Variants in KIDINS220 observed in about 807,000 individuals in gnomAD.
KIDINS220 encodes kinase D-interacting substrate of 220 kDa.
A neutral mutation model predicts 157.6 loss-of-function variants in KIDINS220; 63 were observed. That is an observed-to-expected ratio of 0.40 (90% CI 0.33 to 0.49). The LOEUF is 0.49. Among genes scored for constraint, KIDINS220 ranks in the 20% least tolerant of loss-of-function variants. The pLI is 0.66. For synonymous variants in KIDINS220, 732 were observed against 783.6 expected (o/e 0.93, Z 1.10); for missense variants, 1,772 against 2,171.2 (o/e 0.82, Z 3.65).
chr2:8,759,315 C>T (rs1668445904), intron 22 of KIDINS220, among the ~76,000 whole-genome samples: 1 of 151,908 alleles, frequency 6.6e-6, no homozygotes, highest in African/African-American at 2.4e-5. Flanking sequence ...CCCTGGAAAC[C>T]ATTGGCAGAG....
At chr2:8,743,561 C>T (rs1243205067) in intron 26 of KIDINS220, among the ~76,000 whole-genome samples, 3 of 152,232 alleles carry the variant, frequency 2.0e-5, no homozygotes, top group African/African-American at 4.8e-5. Flanking sequence ...TCACCAGGGT[C>T]TGTTTAACTC....
intron 1 of KIDINS220, among the ~76,000 whole-genome samples, chr2:8,831,768 G>A (rs573878511): frequency 4.6e-5 from 7 of 152,248 alleles, no homozygotes; most frequent in East Asian, 1.9e-4. Flanking sequence ...GAACTGACCC[G>A]GCACACACAG....
At chr2:8,777,222 C>T (rs1007822141) in intron 20 of KIDINS220, among the ~76,000 whole-genome samples, 1 of 152,202 alleles carries the variant, frequency 6.6e-6, no homozygotes, top group Non-Finnish European at 1.5e-5. Flanking sequence ...TCCATGGGGT[C>T]TGGCTATTTA....
At chr2:8,810,594 T>C (rs527237256) in intron 6 of KIDINS220, among the ~76,000 whole-genome samples, 2 of 152,184 alleles carry the variant, frequency 1.3e-5, no homozygotes, top group African/African-American at 2.4e-5. Flanking sequence ...GAGACCAGCC[T>C]GGCCAACATG....
chr2:8,725,957 G>T (rs752187926), downstream of KIDINS220, among the ~76,000 whole-genome samples: 1 of 152,184 alleles, frequency 6.6e-6, no homozygotes, highest in Non-Finnish European at 1.5e-5. Flanking sequence ...GGACTTACGT[G>T]CAATCTTGGT....
chr2:8,749,452 A>T (rs1161275521), intron 24 of KIDINS220: 1 of 455,348 alleles, frequency 2.2e-6, no homozygotes, highest in South Asian at 1.6e-5. Context: ...TGAGGTCATT[A>T]AAGTGAGAAT....
chr2:8,731,347 G>A lies in KIDINS220; in HGVS notation c.4689C>T (p.Ile1563=), dbSNP rs1262668681. Residue 1563 remains isoleucine, a synonymous_variant, in exon 30 of 30, where the codon ATC becomes ATT. Transcript: ENST00000256707. The surrounding 1 kb of genome is among the most constrained non-coding windows in gnomAD (Gnocchi z 5.2). ...PKSPEHSAEP[I]RTFIKAKEYL... is the part of the protein sequence containing the mutation. ...ACTCTTTGGCTTTAATGAAGGTTCT[G>A]ATCGGCTCAGCACTGTGTTCTGGAG... is the stretch of plus-strand genomic sequence containing the variant. 6.2e-7 allele frequency: 1 copy of A among 1,614,098 alleles called. No homozygotes were observed. The highest frequency in any genetic ancestry group is 1.3e-5 in the African/African-American group (1 of 74,946).
intron 9 of KIDINS220, 37 bp downstream of exon 9, chr2:8,800,363 T>C: frequency 7.6e-7 from 1 of 1,307,896 alleles, no homozygotes. Context: ...CATGCAATTA[T>C]ACTCTAAGAT....
chr2:8,827,980 C>CT (rs1381952876), intron 1 of KIDINS220, among the ~76,000 whole-genome samples: 1 of 152,166 alleles, frequency 6.6e-6, no homozygotes, highest in African/African-American at 2.4e-5. Flanking sequence ...ACTGACAACA[C>CT]TGAGGAAGAA....
At chr2:8,748,641 G>A (rs1666897208) in intron 24 of KIDINS220, among the ~76,000 whole-genome samples, 1 of 152,052 alleles carries the variant, frequency 6.6e-6, no homozygotes, top group South Asian at 2.1e-4. Flanking sequence ...AAATTATACA[G>A]GCTAAACATA....
downstream of KIDINS220, chr2:8,724,325 T>G (rs1663145900): frequency 6.6e-6 from 1 of 152,244 alleles, no homozygotes; most frequent in African/African-American, 2.4e-5. This position sits in a 1 kb window ranked among gnomAD's most constrained non-coding sequence, Gnocchi z 4.6. Flanking sequence ...CTCGGCTCAC[T>G]GCAACCTCCG....
chr2:8,745,248 C>T (rs1666376548), intron 26 of KIDINS220, among the ~76,000 whole-genome samples: 1 of 152,124 alleles, frequency 6.6e-6, no homozygotes, highest in Non-Finnish European at 1.5e-5. Context: ...GAATTGCATG[C>T]AATAATGTGT....
chr2:8,730,775 G>A lies in KIDINS220; in HGVS notation c.5261C>T (p.Ala1754Val). ...GCCTGTGCTCTCAGAAGAGGCTGCTGCATGGAGCTCCGGAGGATCTTTGGA... is the reference window on the plus strand; with the variant it reads ...GCCTGTGCTCTCAGAAGAGGCTGCTACATGGAGCTCCGGAGGATCTTTGGA... ...RLSKDPPELH[A>V]AASSESTGFG... The change falls in exon 30 of 30, where the codon GCA becomes GTA. Residue 1754 changes from alanine to valine, a missense_variant. Ala to Val is a moderately conservative substitution (Grantham distance 64, BLOSUM62 0). Around this residue, in one of 3 missense-constraint regions of KIDINS220, gnomAD observed 793 missense variants for 885.5 expected, o/e 0.90. Transcript: ENST00000256707. 6.2e-7 allele frequency: 1 copy of A among 1,614,250 alleles called. No individual in the cohort carries two copies. The highest frequency in any genetic ancestry group is 1.1e-5 in the South Asian group (1 of 91,088).
At chr2:8,757,192 G>C in intron 22 of KIDINS220, 2 of 881,038 alleles carry the variant, frequency 2.3e-6, no homozygotes, top group Non-Finnish European at 2.7e-6. Flanking sequence ...CAAAAAATAG[G>C]GTTTGTTTTT....
At chr2:8,746,593 A>G (rs984538163) in intron 26 of KIDINS220, 3 of 151,884 alleles carry the variant, frequency 2.0e-5, no homozygotes, top group African/African-American at 7.2e-5. Flanking sequence ...TTATTTTAAC[A>G]AATATATAGA....
intron 4 of KIDINS220, among the ~76,000 whole-genome samples, chr2:8,814,240 G>A (rs148508992): frequency 1.3e-4 from 20 of 152,118 alleles, no homozygotes; most frequent in African/African-American, 4.6e-4. Context: ...ACTACGATAC[G>A]ATTCAATAAA....
chr2:8,818,290 G>A (rs774941527), intron 3 of KIDINS220, among the ~76,000 whole-genome samples: 8 of 152,100 alleles, frequency 5.3e-5, no homozygotes, highest in African/African-American at 1.4e-4. Context: ...AAATGTAACC[G>A]TGTGGAATGT....
At chr2:8,770,894 C>T (rs1488846770) in intron 21 of KIDINS220, 62 bp from the exon 22 acceptor site, 3 of 943,214 alleles carry the variant, frequency 3.2e-6, no homozygotes, top group East Asian at 2.8e-5. Context: ...TTAAGTAAAA[C>T]ATTTAGTATA....
At chr2:8,824,196 G>C (rs932964994) in intron 2 of KIDINS220, among the ~76,000 whole-genome samples, 1 of 152,066 alleles carries the variant, frequency 6.6e-6, no homozygotes, top group Non-Finnish European at 1.5e-5. Flanking sequence ...ATTTGCATAA[G>C]TATTCAATAA....
Sources: allele counts gnomAD v4.1 joint callset (sites outside exome capture counted in the v4.1 genomes callset), GRCh38; gene constraint gnomAD v4.1.1; regional missense constraint gnomAD v4.1.1; non-coding constraint Gnocchi (gnomAD v3.1); transcripts MANE v1.5; gene names NCBI Gene and HGNC (gene_info 2026-07-23, HGNC 2026-07-21).